The following EPHA6 variants were observed in gnomAD, a reference collection of about 807,000 sequenced individuals.
EPHA6 encodes the protein ephrin type-A receptor 6.
In EPHA6, 50 loss-of-function variants were observed where a neutral mutation model predicts 112.0. The ratio of observed to expected loss-of-function variants is 0.45; its 90% CI spans 0.36 to 0.56. EPHA6 has a LOEUF of 0.56. EPHA6 is among the 20% of genes least tolerant of loss of function. EPHA6 has a pLI of 0.00. For missense variants in EPHA6, 1,280 were observed against 1,417.4 expected, an observed-to-expected ratio of 0.90 and a Z score of 1.56; for synonymous variants, 529 against 490.7, an observed-to-expected ratio of 1.08 and a Z score of -1.03.
intron 13 of EPHA6, among the ~76,000 whole-genome samples, chr3:97,615,203 C>T (rs72932228): frequency 0.24 from 36,663 of 151,934 alleles, 5,624 homozygotes; most frequent in East Asian, 0.51. Context: ...GTGTGACCCC[C>T]GGAAACCACA....
At chr3:96,892,110 A>G (rs1205669249) in intron 2 of EPHA6, among the ~76,000 whole-genome samples, 1 of 152,196 alleles carries the variant, frequency 6.6e-6, no homozygotes, top group Non-Finnish European at 1.5e-5. Flanking sequence ...GTTTGACTTG[A>G]GAAACTACAG....
chr3:96,857,581 G>C (rs1490485922), intron 1 of EPHA6, among the ~76,000 whole-genome samples: 1 of 152,096 alleles, frequency 6.6e-6, no homozygotes, highest in Non-Finnish European at 1.5e-5. Context: ...TAATTCTCAT[G>C]ATTTTATTTA....
chr3:97,138,143 C>T (rs796462964), intron 3 of EPHA6, among the ~76,000 whole-genome samples: 6 of 152,256 alleles, frequency 3.9e-5, no homozygotes, highest in African/African-American at 1.4e-4. Context: ...CCCAGGACTT[C>T]ATATTCTAGC....
rs547085860 is a variant in EPHA6, at chr3:97,008,877, G to T, written c.1114+20884G>T. On this transcript the variant is annotated intron_variant, in intron 3 of 17. Transcript: ENST00000389672. ...TGTTTGGTTTTCTTTCAATAGTCAG[G>T]TCCCTCTTCTGTAGGGCTACTGCAG... 3.2e-3 allele frequency among the ~76,000 whole-genome samples: 485 copies of T among 152,038 alleles called. 4 individuals are homozygous for T. Among genetic ancestry groups the T allele is most frequent in the Non-Finnish European group, 5.6e-3 (378 of 67,984 alleles).
intron 7 of EPHA6, among the ~76,000 whole-genome samples, chr3:97,462,663 A>G (rs1361758532): frequency 6.6e-6 from 1 of 152,190 alleles, no homozygotes; most frequent in Non-Finnish European, 1.5e-5. Flanking sequence ...TCACTTCTTG[A>G]ATATAAACAC....
chr3:97,252,052 A>G (rs892913055), intron 5 of EPHA6, among the ~76,000 whole-genome samples: 4 of 152,200 alleles, frequency 2.6e-5, no homozygotes, highest in South Asian at 4.1e-4. Context: ...GAAAGCATCA[A>G]AATATACAAG....
At chr3:97,735,110 AAATT>A (rs1402420784) in intron 15 of EPHA6, among the ~76,000 whole-genome samples, 1 of 152,170 alleles carries the variant, frequency 6.6e-6, no homozygotes, top group South Asian at 2.1e-4. Flanking sequence ...ATTTAAATTT[AAATT>A]AATTAAAAGT....
chr3:97,654,513 T>C (rs1399830576), intron 14 of EPHA6, among the ~76,000 whole-genome samples: 1 of 151,846 alleles, frequency 6.6e-6, no homozygotes, highest in African/African-American at 2.4e-5. Context: ...ATATTGGATA[T>C]ACAACAAAAA....
In EPHA6 at chr3:97,758,710, A is replaced by G. The variant is rs1373569973; in HGVS notation, c.*10009A>G. 1.3e-5 allele frequency among the ~76,000 whole-genome samples: 2 copies of G among 151,996 alleles called. No homozygotes were observed. Among genetic ancestry groups the G allele is most frequent in the African/African-American group, 4.8e-5 (2 of 41,440 alleles). On this transcript the variant is annotated 3_prime_UTR_variant, in exon 18 of 18. Transcript: ENST00000389672. ...GTAGAGGAAATCTTCCCCCAAGGAC[A>G]TGCCATTTAAACTGATATCTGAAAA... is the stretch of plus-strand genomic sequence containing the variant.
At chr3:97,215,705 T>G (rs2078015764) in intron 3 of EPHA6, among the ~76,000 whole-genome samples, 1 of 152,182 alleles carries the variant, frequency 6.6e-6, no homozygotes. Context: ...AATTGACTTT[T>G]GCCATATGTA....
At chr3:97,471,414 C>T (rs2091224804) in intron 7 of EPHA6, among the ~76,000 whole-genome samples, 1 of 151,666 alleles carries the variant, frequency 6.6e-6, no homozygotes, top group African/African-American at 2.4e-5. Flanking sequence ...GTGTTTTGTT[C>T]ATCACTGTAT....
At chr3:97,160,422 G>GC (rs1236345239) in intron 3 of EPHA6, among the ~76,000 whole-genome samples, 1 of 151,714 alleles carries the variant, frequency 6.6e-6, no homozygotes, top group Non-Finnish European at 1.5e-5. Context: ...GATTACAGGT[G>GC]CCCCCCACCA....
intron 10 of EPHA6, among the ~76,000 whole-genome samples, chr3:97,497,718 T>C (rs574984518): frequency 2.0e-5 from 3 of 151,850 alleles, no homozygotes; most frequent in South Asian, 2.1e-4. Flanking sequence ...TAGTGTAGGG[T>C]TGAGGAGAAG....
At chr3:97,379,162 A>T (rs2085560664) in intron 5 of EPHA6, among the ~76,000 whole-genome samples, 1 of 152,066 alleles carries the variant, frequency 6.6e-6, no homozygotes, top group South Asian at 2.1e-4. Flanking sequence ...TAAGTCTCAC[A>T]CTATCTGATG....
intron 3 of EPHA6, among the ~76,000 whole-genome samples, chr3:97,051,343 T>A (rs994467372): frequency 6.6e-6 from 1 of 152,162 alleles, no homozygotes; most frequent in African/African-American, 2.4e-5. Context: ...ATATAGTATG[T>A]ATGTTTATGT....
intron 3 of EPHA6, among the ~76,000 whole-genome samples, chr3:97,200,105 A>G (rs764231480): frequency 9.9e-5 from 15 of 152,150 alleles, no homozygotes; most frequent in Non-Finnish European, 2.1e-4. Context: ...GATTGATCCT[A>G]TAGACAAGAA....
intron 3 of EPHA6, among the ~76,000 whole-genome samples, chr3:97,117,194 T>A (rs536843183): frequency 1.8e-4 from 27 of 151,730 alleles, no homozygotes; most frequent in African/African-American, 6.5e-4. Flanking sequence ...TACTATTGAG[T>A]TGTTTAAGTT....
rs570510074 is a variant in EPHA6 at position 97,755,206 on chromosome 3, G to A, written c.*6505G>A. The stretch of plus-strand genomic sequence containing the variant: ...GGTATTAAAGAAAAATCACTTGACA[G>A]ATGAGGAGGAAAAGTAGCTCTTAAA... On this transcript the variant is annotated 3_prime_UTR_variant, in exon 18 of 18. Transcript: ENST00000389672. Among the ~76,000 whole-genome samples, 1 of 152,280 alleles carries A rather than the reference G, an allele frequency of 6.6e-6. No individual in the cohort carries two copies. The highest frequency in any genetic ancestry group is 2.4e-5 in the African/African-American group (1 of 41,566).
chr3:97,211,602 C>T (rs964962375), intron 3 of EPHA6, among the ~76,000 whole-genome samples: 1 of 152,104 alleles, frequency 6.6e-6, no homozygotes, highest in Admixed American at 6.6e-5. Context: ...TCTTCATTCC[C>T]TTATAAGGGC....
Sources: allele counts gnomAD v4.1 joint callset (sites outside exome capture counted in the v4.1 genomes callset), GRCh38; gene constraint gnomAD v4.1.1; transcripts MANE v1.5; gene names NCBI Gene and HGNC (gene_info 2026-07-23, HGNC 2026-07-21).